PDE4D: variants seen among roughly 807,000 people sequenced by gnomAD.
The protein encoded by PDE4D is 3',5'-cyclic-AMP phosphodiesterase 4D.
A neutral mutation model predicts 87.4 loss-of-function variants in PDE4D; 24 were observed. The observed-to-expected ratio is 0.27, with a 90% confidence interval of 0.20 to 0.39. The LOEUF is 0.39. PDE4D is among the 10% of genes least tolerant of loss of function. PDE4D has a pLI of 1.00. For synonymous variants in PDE4D, 384 were observed against 383.2 expected (o/e 1.00, Z -0.02); for missense variants, 714 against 1,041.0 (o/e 0.69, Z 4.32).
intron 1 of PDE4D, among the ~76,000 whole-genome samples, chr5:59,705,490 G>C (rs1753254187): frequency 1.3e-5 from 2 of 152,220 alleles, no homozygotes; most frequent in African/African-American, 4.8e-5. Flanking sequence ...ATTGAAGGCT[G>C]TTTCTTACCA....
At chr5:59,216,052 A>G in intron 1 of PDE4D, 84 bp from the exon 2 acceptor site, 1 of 919,722 alleles carries the variant, frequency 1.1e-6, no homozygotes, top group African/African-American at 1.7e-5. Context: ...CAGCTGAGGA[A>G]CTGACAGTGG....
intron 1 of PDE4D, among the ~76,000 whole-genome samples, chr5:60,191,605 G>A (rs893189478): frequency 6.6e-6 from 1 of 152,140 alleles, no homozygotes; most frequent in South Asian, 2.1e-4. Flanking sequence ...GCCCAGTCTT[G>A]AGCAGTTCTT....
At chr5:59,650,670 G>T (rs866604601) in intron 1 of PDE4D, among the ~76,000 whole-genome samples, 2 of 152,102 alleles carry the variant, frequency 1.3e-5, no homozygotes, top group African/African-American at 2.4e-5. Flanking sequence ...TTTCTGGTTA[G>T]TAACATCTAC....
intron 3 of PDE4D, among the ~76,000 whole-genome samples, chr5:59,966,088 C>T (rs1430766088): frequency 2.0e-5 from 3 of 152,158 alleles, no homozygotes; most frequent in Admixed American, 1.3e-4. Flanking sequence ...TCATCTGTTA[C>T]CCCCACCTCT....
chr5:59,082,139 GC>G (rs1766881761), intron 5 of PDE4D, among the ~76,000 whole-genome samples: 1 of 152,122 alleles, frequency 6.6e-6, no homozygotes, highest in South Asian at 2.1e-4. Context: ...TTTCTTCACA[GC>G]AGCATGAGAA....
At chr5:60,506,714 G>A (rs757368609) in intron 1 of PDE4D, among the ~76,000 whole-genome samples, 16 of 152,110 alleles carry the variant, frequency 1.1e-4, no homozygotes, top group Non-Finnish European at 2.1e-4. Context: ...AGAAGGGCTT[G>A]TAATTGAATT....
At chr5:59,383,604 G>C (rs1786355656) in intron 1 of PDE4D, among the ~76,000 whole-genome samples, 1 of 152,000 alleles carries the variant, frequency 6.6e-6, no homozygotes, top group African/African-American at 2.4e-5. Context: ...ACAGAAATAG[G>C]GGTGTCTGTT....
At chr5:60,056,328 A>G (rs1467714988) in intron 2 of PDE4D, among the ~76,000 whole-genome samples, 1 of 152,058 alleles carries the variant, frequency 6.6e-6, no homozygotes, top group Non-Finnish European at 1.5e-5. Context: ...ACCAACCCCC[A>G]AACAAGTTTT....
At chr5:59,474,449 C>T (rs1278209548) in intron 1 of PDE4D, among the ~76,000 whole-genome samples, 1 of 152,092 alleles carries the variant, frequency 6.6e-6, no homozygotes, top group Non-Finnish European at 1.5e-5. Context: ...TAAGATTGCC[C>T]TTAGCCTCCC....
At position 60,282,235 on chromosome 5, in the gene PDE4D, A is replaced by ATATATATATG. The variant is rs1490291783; in HGVS notation, c.-89-96549_-89-96548insCATATATATA. ...TATATATATATATATATATATATATATATTTCTCAAAATGAGCTCTATTTG... is the reference window on the plus strand; with the variant it reads ...TATATATATATATATATATATATATATATATATATGTATTTCTCAAAATGAGCTCTATTTG... On this transcript the variant is annotated intron_variant, in intron 1 of 16. Coordinates refer to the PDE4D transcript ENST00000502484. Among the ~76,000 whole-genome samples the ATATATATATG allele has an allele frequency of 2.5e-3, 324 of 132,062 alleles. 1 individual carries two copies. The highest frequency in any genetic ancestry group is 4.3e-3 in the South Asian group (18 of 4,208). 86.6% of individuals were successfully genotyped at this position (132,062 alleles called of 152,430 possible). A position where few individuals can be genotyped will look rare whatever the true frequency, so the allele number is the denominator to read the frequency against.
chr5:59,750,586 T>A (rs770922952), intron 1 of PDE4D, among the ~76,000 whole-genome samples: 2 of 152,196 alleles, frequency 1.3e-5, no homozygotes, highest in Non-Finnish European at 2.9e-5. Flanking sequence ...ACTGTACTTG[T>A]CTTTCTCTGA....
At chr5:59,010,094 G>C (rs1752462448) in intron 6 of PDE4D, among the ~76,000 whole-genome samples, 1 of 152,148 alleles carries the variant, frequency 6.6e-6, no homozygotes, top group African/African-American at 2.4e-5. Context: ...AGGAGGCCGA[G>C]GCAGGCAGAT....
chr5:59,264,715 G>GTTTGT (rs1163093318), intron 1 of PDE4D, among the ~76,000 whole-genome samples: 2 of 151,932 alleles, frequency 1.3e-5, no homozygotes, highest in Non-Finnish European at 2.9e-5. Flanking sequence ...TGCTTTTACA[G>GTTTGT]TTTGTTTTGT....
rs146842664 is a variant in PDE4D, at chr5:59,568,458, GTTGT to G, written c.455+324706_455+324709del. ...GAGTATAACACCCTCTTAAGTGTGG[GTTGT>G]TTATCATGACTTCCTTCCAAAGGGT... is the stretch of plus-strand genomic sequence containing the variant. On this transcript the variant is annotated intron_variant, in intron 1 of 14. Coordinates refer to ENST00000340635, the MANE Select transcript of PDE4D (RefSeq NM_001104631.2). 5.2e-3 allele frequency among the ~76,000 whole-genome samples: 791 copies of G among 152,178 alleles called. 3 individuals carry two copies. The highest frequency in any genetic ancestry group is 0.018 in the African/African-American group (757 of 41,518).
exon 3 of PDE4D, chr5:59,988,537 G>C (rs1762671654): frequency 1.3e-6 from 2 of 1,599,174 alleles, no homozygotes; most frequent in African/African-American, 1.3e-5. Context: ...ATCTTCAGGG[G>C]GAGGCTGGTT....
chr5:59,599,638 T>C (rs1827218325), intron 1 of PDE4D, among the ~76,000 whole-genome samples: 1 of 152,140 alleles, frequency 6.6e-6, no homozygotes, highest in Non-Finnish European at 1.5e-5. Flanking sequence ...TCAGACTCTA[T>C]CCAGAAATTA....
intron 1 of PDE4D, among the ~76,000 whole-genome samples, chr5:59,377,222 C>T (rs569229278): frequency 1.3e-5 from 2 of 151,952 alleles, no homozygotes; most frequent in Non-Finnish European, 2.9e-5. Context: ...TCGAGACCAT[C>T]ATGGCTAACA....
intron 1 of PDE4D, among the ~76,000 whole-genome samples, chr5:59,709,822 A>G (rs757678231): frequency 6.6e-6 from 1 of 152,178 alleles, no homozygotes; most frequent in Admixed American, 6.5e-5. Flanking sequence ...AGTTTTCAAA[A>G]ATAAAGGAAG....
At chr5:60,010,584 C>T (rs1483017091) in intron 2 of PDE4D, among the ~76,000 whole-genome samples, 1 of 152,052 alleles carries the variant, frequency 6.6e-6, no homozygotes, top group African/African-American at 2.4e-5. Context: ...TTCCTCTTGC[C>T]TCATTTTGGC....
Sources: gnomAD v4.1 joint callset for allele counts (sites outside exome capture counted in the v4.1 genomes callset) on GRCh38, gnomAD v4.1.1 for gene constraint, MANE v1.5 for transcripts, NCBI Gene and HGNC (gene_info 2026-07-23, HGNC 2026-07-21) for gene names.